DEPDC5: variants seen among roughly 807,000 people sequenced by gnomAD.
DEPDC5 encodes the protein DEP domain containing 5, GATOR1 subcomplex subunit.
DEPDC5 carries 73 observed loss-of-function variants against 217.3 expected under a neutral mutation model. The observed-to-expected ratio is 0.34, with a 90% CI of 0.28 to 0.41. DEPDC5 has a LOEUF of 0.41. Ranked by LOEUF, DEPDC5 falls within the 10% of genes least tolerant of loss-of-function variation. The pLI, the probability that DEPDC5 is intolerant of heterozygous loss-of-function variation, is 1.00. For missense variants in DEPDC5, 1,675 were observed against 2,070.1 expected (o/e 0.81, Z 3.70); for synonymous variants, 733 against 756.7 (o/e 0.97, Z 0.51).
intron 22 of DEPDC5, 54 bp downstream of exon 22, chr22:31,819,279 C>T: frequency 5.7e-6 from 9 of 1,592,270 alleles, no homozygotes; most frequent in Non-Finnish European, 7.7e-6. Context: ...AGCCCTGGTC[C>T]TCAGTGTCGG....
intron 6 of DEPDC5, 131 bp downstream of exon 6, chr22:31,766,799 C>A: frequency 1.4e-6 from 1 of 716,160 alleles, no homozygotes; most frequent in Non-Finnish European, 2.3e-6. Flanking sequence ...TTGTCAACGT[C>A]TTCTGTGTTC....
chr22:31,848,013 G>T (rs934302536), intron 31 of DEPDC5, among the ~76,000 whole-genome samples: 3 of 152,132 alleles, frequency 2.0e-5, no homozygotes, highest in Non-Finnish European at 4.4e-5. Flanking sequence ...GGGGCTACAG[G>T]CCCCATGCAA....
At chr22:31,891,559 G>A (rs1262695345) in intron 38 of DEPDC5, 1 of 165,408 alleles carries the variant, frequency 6.0e-6, no homozygotes, top group African/African-American at 2.4e-5. Flanking sequence ...TACAACAGAA[G>A]CTCATTAAAA....
At chr22:31,798,285 C>T (rs934554584) in intron 13 of DEPDC5, among the ~76,000 whole-genome samples, 1 of 152,094 alleles carries the variant, frequency 6.6e-6, no homozygotes, top group Non-Finnish European at 1.5e-5. Context: ...AATCCCAGCA[C>T]AAGGCAGGCG....
At chr22:31,784,543 C>A (rs574980669) in intron 9 of DEPDC5, 3 of 290,282 alleles carry the variant, frequency 1.0e-5, no homozygotes, top group African/African-American at 2.3e-5. Flanking sequence ...GCAGGAGAAT[C>A]GCTTGAACCT....
chr22:31,811,375 T>C (rs1300003540), intron 20 of DEPDC5, among the ~76,000 whole-genome samples: 1 of 152,116 alleles, frequency 6.6e-6, no homozygotes, highest in Non-Finnish European at 1.5e-5. Context: ...TGGCTGGTTC[T>C]TATGCTTTTC....
intron 4 of DEPDC5, among the ~76,000 whole-genome samples, chr22:31,764,097 AT>A (rs1331355543): frequency 1.3e-5 from 2 of 151,120 alleles, no homozygotes; most frequent in African/African-American, 4.9e-5. Context: ...ACCTGGCTAA[AT>A]TTTTTTTGTA....
intron 1 of DEPDC5, among the ~76,000 whole-genome samples, chr22:31,754,507 C>T (rs896054912): frequency 1.3e-5 from 2 of 152,262 alleles, no homozygotes; most frequent in African/African-American, 4.8e-5. Flanking sequence ...TCATCATCTA[C>T]AAAATGAGTG....
chr22:31,755,154 G>A, intron 2 of DEPDC5, 175 bp downstream of exon 2: 1 of 610,348 alleles, frequency 1.6e-6, no homozygotes, highest in South Asian at 2.4e-5. Context: ...CCCTTCTAAT[G>A]CATTTGCATT....
rs1445685398 is a variant in DEPDC5, at chr22:31,771,721, A to T, written c.413+2858A>T. On this transcript the variant is annotated intron_variant, in intron 7 of 42. Coordinates refer to ENST00000651528, the MANE Select transcript of DEPDC5 (RefSeq NM_001242896.3). ...GTGACAGAGCAAGACTCCGTCACACACACACACACACACACACACACACAC... is the reference window on the plus strand; with the variant it reads ...GTGACAGAGCAAGACTCCGTCACACTCACACACACACACACACACACACAC... Among the ~76,000 whole-genome samples, 12 of 32,532 alleles carry T rather than the reference A, an allele frequency of 3.7e-4. No homozygotes were observed. In the South Asian group the frequency reaches 7.6e-3, roughly 21 times the overall value. The allele number at this position is 32,532 out of a possible 152,430, so 21.3% of individuals were successfully genotyped here. A position where few individuals can be genotyped will look rare whatever the true frequency, so the allele number is the denominator to read the frequency against.
At chr22:31,874,490 G>A (rs1254782947) in intron 36 of DEPDC5, 85 bp downstream of exon 36, 1 of 1,474,450 alleles carries the variant, frequency 6.8e-7, no homozygotes, top group African/African-American at 1.4e-5. Context: ...ACCCTTTCCA[G>A]TAATGAGATC....
chr22:31,850,654 AT>A (rs1294419483), intron 31 of DEPDC5, among the ~76,000 whole-genome samples: 1 of 152,184 alleles, frequency 6.6e-6, no homozygotes, highest in Non-Finnish European at 1.5e-5. Flanking sequence ...GCCCATGCCT[AT>A]AATCCTAGCA....
intron 31 of DEPDC5, among the ~76,000 whole-genome samples, chr22:31,847,779 T>C (rs943188900): frequency 2.0e-5 from 3 of 152,324 alleles, no homozygotes; most frequent in Admixed American, 2.0e-4. Flanking sequence ...CCAGTTCTCA[T>C]GTCCTTGCAT....
At chr22:31,759,839 C>T (rs773850263) in intron 3 of DEPDC5, among the ~76,000 whole-genome samples, 2 of 150,984 alleles carry the variant, frequency 1.3e-5, no homozygotes, top group East Asian at 3.9e-4. Context: ...TGGGCCACCA[C>T]ACCTGGCTAA....
intron 10 of DEPDC5, among the ~76,000 whole-genome samples, chr22:31,787,616 A>C (rs76730573): frequency 0.025 from 3,811 of 152,180 alleles, 61 homozygotes; most frequent in African/African-American, 0.041. Context: ...AGTAACCCAG[A>C]CAACAAAACG....
At chr22:31,902,956 T>C (rs540836231) in intron 41 of DEPDC5, among the ~76,000 whole-genome samples, 1 of 152,078 alleles carries the variant, frequency 6.6e-6, no homozygotes, top group South Asian at 2.1e-4. Context: ...TTAAATCTGC[T>C]TTTTTCCTTC....
chr22:31,810,549 C>T lies in DEPDC5; in HGVS notation c.1353C>T (p.Asn451=), dbSNP rs377336412. The part of the protein sequence containing the change: ...TSLGSPKESE[N]ALPIQVDYDA... ...TCGGGAGTCCAAAAGAATCTGAGAA[C>T]GCCCTTCCCATCCAAGTAGATTATG... The change falls in exon 20 of 43, where the codon AAC becomes AAT. Residue 451 remains asparagine, a synonymous_variant. Coordinates refer to ENST00000651528, the MANE Select transcript of DEPDC5 (RefSeq NM_001242896.3). 208 of 1,614,014 alleles carry T rather than the reference C, an allele frequency of 1.3e-4. No homozygotes were observed. Among genetic ancestry groups the T allele is most frequent in the African/African-American group, 1.7e-4 (13 of 74,922 alleles).
intron 31 of DEPDC5, among the ~76,000 whole-genome samples, chr22:31,849,424 C>T (rs988109264): frequency 6.6e-6 from 1 of 152,072 alleles, no homozygotes; most frequent in African/African-American, 2.4e-5. Flanking sequence ...CAAACACGTG[C>T]TTCTTCACGT....
intron 17 of DEPDC5, 120 bp from the exon 18 acceptor site, chr22:31,806,002 A>T: frequency 1.3e-6 from 1 of 752,428 alleles, no homozygotes; most frequent in Non-Finnish European, 2.2e-6. Flanking sequence ...TGGGAAGATT[A>T]GTGAAGCTGA....
Sources: allele counts gnomAD v4.1 joint callset (sites outside exome capture counted in the v4.1 genomes callset), GRCh38; gene constraint gnomAD v4.1.1; transcripts MANE v1.5; gene names NCBI Gene and HGNC (gene_info 2026-07-23, HGNC 2026-07-21).